MACROD2: variants seen among roughly 807,000 people sequenced by gnomAD.
MACROD2 encodes ADP-ribose glycohydrolase MACROD2.
A neutral mutation model predicts 70.4 loss-of-function variants in MACROD2; 36 were observed. The observed-to-expected ratio is 0.51, with a 90% CI of 0.39 to 0.68. The LOEUF (loss-of-function observed/expected upper bound fraction) is 0.68. Ranked by LOEUF, MACROD2 falls within the 30% of genes least tolerant of loss-of-function variation. The pLI is 0.00. For missense variants in MACROD2, 496 were observed against 538.4 expected (o/e 0.92, Z 0.78); for synonymous variants, 172 against 178.8 (o/e 0.96, Z 0.30).
At chr20:14,738,202 CATTT>C (rs1417636125) in intron 5 of MACROD2, among the ~76,000 whole-genome samples, 3 of 151,476 alleles carry the variant, frequency 2.0e-5, no homozygotes, top group East Asian at 3.9e-4. Flanking sequence ...TTTAGGCAAA[CATTT>C]ATAAAAGGCA....
At chr20:14,898,896 G>T (rs1490125542) in intron 5 of MACROD2, among the ~76,000 whole-genome samples, 1 of 152,148 alleles carries the variant, frequency 6.6e-6, no homozygotes, top group African/African-American at 2.4e-5. Flanking sequence ...ACAACCAAAG[G>T]CAACGACCAG....
intron 5 of MACROD2, among the ~76,000 whole-genome samples, chr20:15,139,820 A>G (rs1202020577): frequency 6.6e-6 from 1 of 152,192 alleles, no homozygotes; most frequent in African/African-American, 2.4e-5. Context: ...GACACCACAC[A>G]TAGTCATTTC....
chr20:14,326,209 A>G lies in MACROD2; in HGVS notation c.272-167270A>G. 4 of 1,613,964 alleles carry G rather than the reference A, an allele frequency of 2.5e-6. No individual in the cohort carries two copies. Among genetic ancestry groups the G allele is most frequent in the Non-Finnish European group, 3.4e-6 (4 of 1,179,894 alleles). On this transcript the variant is annotated intron_variant, in intron 3 of 17. Coordinates refer to ENST00000684519, the MANE Select transcript of MACROD2 (RefSeq NM_001351661.2). This position sits in a 1 kb window ranked among gnomAD's most constrained non-coding sequence, Gnocchi z 5.5. ...AAGCCAGCTGAGTCTCAAAGCAGTC[A>G]TAGGTAGAGCAAGTTTCCAAGAGAT...
intron 8 of MACROD2, among the ~76,000 whole-genome samples, chr20:15,514,172 A>T (rs374181525): frequency 6.6e-6 from 1 of 152,266 alleles, no homozygotes. Flanking sequence ...GTTAATTTAT[A>T]TTAAAGAAAC....
chr20:15,566,789 ATCTGCAGG>A (rs1470581337), intron 8 of MACROD2, among the ~76,000 whole-genome samples: 1 of 152,216 alleles, frequency 6.6e-6, no homozygotes, highest in East Asian at 1.9e-4. Context: ...TCCCCTGTTT[ATCTGCAGG>A]TCTCTTCTAA....
chr20:15,238,951 G>C (rs187750244), intron 6 of MACROD2, among the ~76,000 whole-genome samples: 265 of 152,256 alleles, frequency 1.7e-3, no homozygotes, highest in South Asian at 0.017. Flanking sequence ...AAACAGTAAA[G>C]AGATTTGCAA....
At chr20:14,332,298 C>T (rs1052070321) in intron 3 of MACROD2, among the ~76,000 whole-genome samples, 1 of 151,876 alleles carries the variant, frequency 6.6e-6, no homozygotes, top group African/African-American at 2.4e-5. Flanking sequence ...GATAAGGATA[C>T]TATTTTAGGG....
intron 2 of MACROD2, among the ~76,000 whole-genome samples, chr20:14,008,854 C>A (rs60225305): frequency 0.42 from 64,010 of 151,386 alleles, 14,170 homozygotes; most frequent in African/African-American, 0.56. Flanking sequence ...CTGGAGATCA[C>A]AAACAAGCAA....
chr20:15,660,701 T>C (rs2049807973), intron 8 of MACROD2, among the ~76,000 whole-genome samples: 1 of 152,210 alleles, frequency 6.6e-6, no homozygotes, highest in East Asian at 1.9e-4. Flanking sequence ...ACATTTACTT[T>C]AAGGCATCAC....
intron 8 of MACROD2, among the ~76,000 whole-genome samples, chr20:15,566,331 AAAAAACAAAAAT>A (rs1477981568): frequency 6.6e-6 from 1 of 151,950 alleles, no homozygotes; most frequent in African/African-American, 2.4e-5. Flanking sequence ...CGTCTCTACT[AAAAAACAAAAAT>A]AAAAATTAGC....
At chr20:14,486,655 A>AT (rs1335427225) in intron 3 of MACROD2, among the ~76,000 whole-genome samples, 1 of 151,560 alleles carries the variant, frequency 6.6e-6, no homozygotes, top group Admixed American at 6.6e-5. Context: ...AGTAGCTGGG[A>AT]TTACAGGCGT....
intron 8 of MACROD2, among the ~76,000 whole-genome samples, chr20:15,694,468 G>T (rs1600769410): frequency 6.6e-6 from 1 of 152,164 alleles, no homozygotes; most frequent in Non-Finnish European, 1.5e-5. Flanking sequence ...GATCATTAGT[G>T]ATGTTGAGCA....
chr20:15,772,631 G>T (rs2051654854), intron 8 of MACROD2, among the ~76,000 whole-genome samples: 1 of 152,038 alleles, frequency 6.6e-6, no homozygotes. Flanking sequence ...TCATGGTTAG[G>T]GAAGCCTCAG....
chr20:14,124,272 A>G (rs1276637869), intron 3 of MACROD2, among the ~76,000 whole-genome samples: 1 of 152,092 alleles, frequency 6.6e-6, no homozygotes, highest in Non-Finnish European at 1.5e-5. Flanking sequence ...ATTGAATTGA[A>G]ACTTCATTAT....
At chr20:14,439,323 G>A (rs1352333573) in intron 3 of MACROD2, among the ~76,000 whole-genome samples, 8 of 151,964 alleles carry the variant, frequency 5.3e-5, no homozygotes, top group Non-Finnish European at 1.2e-4. Flanking sequence ...TTTAAATCGG[G>A]CAGTGTGATG....
chr20:14,609,141 G>T (rs980113191), intron 4 of MACROD2, among the ~76,000 whole-genome samples: 4 of 151,976 alleles, frequency 2.6e-5, no homozygotes, highest in African/African-American at 9.7e-5. Context: ...AGGCCATTCT[G>T]GGAAAAACAG....
chr20:15,052,195 T>C (rs1305922075), intron 5 of MACROD2, among the ~76,000 whole-genome samples: 1 of 152,234 alleles, frequency 6.6e-6, no homozygotes, highest in Non-Finnish European at 1.5e-5. Flanking sequence ...TATATGTTTG[T>C]CACGGTCCTC....
intron 2 of MACROD2, among the ~76,000 whole-genome samples, chr20:14,003,182 A>G (rs572591108): frequency 4.2e-4 from 64 of 152,234 alleles, no homozygotes; most frequent in Non-Finnish European, 8.4e-4. Context: ...TTGTGGTCTT[A>G]GATCGATGGA....
At chr20:15,393,750 A>G (rs1292697958) in intron 6 of MACROD2, among the ~76,000 whole-genome samples, 1 of 152,218 alleles carries the variant, frequency 6.6e-6, no homozygotes, top group Non-Finnish European at 1.5e-5. Context: ...GGTCTTTGAT[A>G]ATCATTCCTT....
Sources: gnomAD v4.1 joint callset for allele counts (sites outside exome capture counted in the v4.1 genomes callset) on GRCh38, gnomAD v4.1.1 for gene constraint, Gnocchi (gnomAD v3.1) non-coding constraint, MANE v1.5 for transcripts, NCBI Gene and HGNC (gene_info 2026-07-23, HGNC 2026-07-21) for gene names.